Variants in CMTM8 observed in about 807,000 individuals in gnomAD.
CMTM8 encodes CKLF like MARVEL transmembrane domain containing 8, also known as CKLF-like MARVEL transmembrane domain-containing protein 8.
A neutral mutation model predicts 18.6 loss-of-function variants in CMTM8; 12 were observed. The ratio of observed to expected loss-of-function variants is 0.65; its 90% CI spans 0.41 to 1.05. CMTM8 has a LOEUF of 1.05. Among genes scored for constraint, CMTM8 ranks in the 50% least tolerant of loss-of-function variants. The pLI is 0.00. For missense variants in CMTM8, 217 were observed against 227.2 expected, an observed-to-expected ratio of 0.95 and a Z score of 0.29; for synonymous variants, 87 against 90.6, an observed-to-expected ratio of 0.96 and a Z score of 0.23.
chr3:32,308,722 A>G (rs1695763084), intron 1 of CMTM8, among the ~76,000 whole-genome samples: 2 of 152,216 alleles, frequency 1.3e-5, no homozygotes, highest in Admixed American at 1.3e-4. Flanking sequence ...AATAGACATA[A>G]TCTGCTCTTA....
At chr3:32,355,313 C>T (rs1289066687) in intron 1 of CMTM8, among the ~76,000 whole-genome samples, 1 of 152,180 alleles carries the variant, frequency 6.6e-6, no homozygotes, top group Admixed American at 6.5e-5. Context: ...ACTCCTTTAG[C>T]CTGTTCCTCT....
At chr3:32,338,975 A>ATTGGTGGGAAACTTCATT (rs1445193749) in intron 1 of CMTM8, among the ~76,000 whole-genome samples, 1 of 152,176 alleles carries the variant, frequency 6.6e-6, no homozygotes, top group African/African-American at 2.4e-5. Flanking sequence ...GGTGCTGGCT[A>ATTGGTGGGAAACTTCATT]TTGGTGGGAA....
chr3:32,283,149 CA>C (rs1396205815), intron 1 of CMTM8, among the ~76,000 whole-genome samples: 1 of 152,078 alleles, frequency 6.6e-6, no homozygotes, highest in Non-Finnish European at 1.5e-5. Flanking sequence ...GTTTTTCATA[CA>C]GGGGGAGGAA....
chr3:32,355,003 A>G (rs1174640742), intron 1 of CMTM8, among the ~76,000 whole-genome samples: 1 of 152,172 alleles, frequency 6.6e-6, no homozygotes, highest in Non-Finnish European at 1.5e-5. Context: ...GAATTCATAT[A>G]CTAACATCAA....
chr3:32,273,726 C>A (rs1702475920), intron 1 of CMTM8, among the ~76,000 whole-genome samples: 1 of 152,080 alleles, frequency 6.6e-6, no homozygotes, highest in African/African-American at 2.4e-5. Flanking sequence ...TATGGAGTTT[C>A]TTTTGGGGAT....
intron 1 of CMTM8, among the ~76,000 whole-genome samples, chr3:32,296,970 ACTCC>A (rs1349432490): frequency 5.3e-5 from 8 of 151,140 alleles, no homozygotes; most frequent in African/African-American, 1.9e-4. Context: ...TGCCTTCTCC[ACTCC>A]CTCCCCGTGT....
Position 32,363,877 on chromosome 3 carries a change from T to G in CMTM8, c.322-3995T>G, listed in dbSNP as rs536792478. Among the ~76,000 whole-genome samples the G allele has an allele frequency of 1.3e-3, 204 of 152,276 alleles. 1 individual carries two copies. The highest frequency in any genetic ancestry group is 2.2e-3 in the Non-Finnish European group (150 of 68,016). On this transcript the variant is annotated intron_variant, in intron 2 of 3. Coordinates refer to ENST00000307526, the MANE Select transcript of CMTM8 (RefSeq NM_178868.5). ...GCACTTTGAGTAGCACTGAGCTCCT[T>G]TACTAGCTGGTTGTAGACAAGGTGG... is the stretch of plus-strand genomic sequence containing the variant.
rs1321747901 is a variant in CMTM8 at position 32,349,660 on chromosome 3, T to C, written c.148-7713T>C. On this transcript the variant is annotated intron_variant, in intron 1 of 3. Transcript: ENST00000307526. ...TCAAGTACGTAGAGGACAGGGAAGC[T>C]GCTATACACATCCTACAGTGTACAG... is the stretch of plus-strand genomic sequence containing the variant. Among the ~76,000 whole-genome samples, 9 of 152,130 alleles carry C rather than the reference T, an allele frequency of 5.9e-5. No homozygotes were observed. In the South Asian group the frequency reaches 8.3e-4, roughly 14 times the overall value.
chr3:32,362,100 G>C (rs2125602479), intron 2 of CMTM8, among the ~76,000 whole-genome samples: 1 of 135,520 alleles, frequency 7.4e-6, no homozygotes, highest in East Asian at 2.2e-4. Context: ...GAGTATAGTG[G>C]TGCAATCTCG....
At chr3:32,300,700 T>C (rs937018240) in intron 1 of CMTM8, among the ~76,000 whole-genome samples, 1 of 152,248 alleles carries the variant, frequency 6.6e-6, no homozygotes, top group African/African-American at 2.4e-5. Context: ...GGTTCACGCC[T>C]GTAATCCCAG....
chr3:32,258,489 T>C (rs1178105480), intron 1 of CMTM8, among the ~76,000 whole-genome samples: 1 of 152,172 alleles, frequency 6.6e-6, no homozygotes, highest in African/African-American at 2.4e-5. Flanking sequence ...CTTAGTTTTA[T>C]TTACAGTGCT....
At chr3:32,352,182 A>C (rs1229131772) in intron 1 of CMTM8, among the ~76,000 whole-genome samples, 2 of 57,342 alleles carry the variant, frequency 3.5e-5, no homozygotes, top group African/African-American at 1.3e-4. Context: ...TCTGAAAAAA[A>C]ACACACACAC....
rs776785695 is a variant in CMTM8 at position 32,239,025 on chromosome 3, C to T, written c.53C>T (p.Ser18Phe). The T allele has an allele frequency of 1.8e-5, 29 of 1,574,206 alleles. No homozygotes were observed. The highest frequency in any genetic ancestry group is 2.5e-5 in the Non-Finnish European group (29 of 1,160,568). The change falls in exon 1 of 4, where the codon TCC (serine) becomes TTC (phenylalanine). Residue 18 changes from serine to phenylalanine, a missense_variant. Ser to Phe is a radical substitution (Grantham distance 155). Coordinates refer to ENST00000307526, the MANE Select transcript of CMTM8 (RefSeq NM_178868.5). ...RSHTVTTTAS[S>F]FAENFSTSSS... ...CACACAGTCACCACCACCGCCAGCTCCTTCGCAGAGAACTTCTCCACCAGC... is the reference window on the plus strand; with the variant it reads ...CACACAGTCACCACCACCGCCAGCTTCTTCGCAGAGAACTTCTCCACCAGC...
At chr3:32,294,012 ACC>A (rs1457231656) in intron 1 of CMTM8, among the ~76,000 whole-genome samples, 2 of 152,176 alleles carry the variant, frequency 1.3e-5, no homozygotes, top group South Asian at 4.2e-4. Flanking sequence ...TTTGGTGGCC[ACC>A]TCCAGATTTC....
intron 1 of CMTM8, among the ~76,000 whole-genome samples, chr3:32,351,458 A>G (rs1696705573): frequency 6.6e-6 from 1 of 152,338 alleles, no homozygotes; most frequent in Non-Finnish European, 1.5e-5. Flanking sequence ...CTATAATCCC[A>G]GCACTTTGGG....
At position 32,358,632 on chromosome 3, in the gene CMTM8, C is replaced by G. The variant is rs1469279351; in HGVS notation, c.321+1086C>G. Reference sequence around the variant, plus strand: ...GCTTTGTTCTTTCTGTGTTGCTAAGCTAAGTCCCCCAGGAAAACAAGTCTT... The same window carrying G: ...GCTTTGTTCTTTCTGTGTTGCTAAGGTAAGTCCCCCAGGAAAACAAGTCTT... On this transcript the variant is annotated intron_variant, in intron 2 of 3. Coordinates refer to ENST00000307526, the MANE Select transcript of CMTM8 (RefSeq NM_178868.5). This position sits in a 1 kb window ranked among gnomAD's most constrained non-coding sequence, Gnocchi z 4.1. Among the ~76,000 whole-genome samples, 1 of 152,182 alleles carries G rather than the reference C, an allele frequency of 6.6e-6. No individual in the cohort carries two copies. Among genetic ancestry groups the G allele is most frequent in the Admixed American group, 6.5e-5 (1 of 15,286 alleles).
In CMTM8 at chr3:32,337,998, A is replaced by C. The variant is rs7647797; in HGVS notation, c.148-19375A>C. Among the ~76,000 whole-genome samples the C allele has an allele frequency of 1.4e-3, 194 of 138,202 alleles. 3 individuals are homozygous for C. Among genetic ancestry groups the C allele is most frequent in the African/African-American group, 4.9e-3 (179 of 36,434 alleles). 90.7% of individuals were successfully genotyped at this position (138,202 alleles called of 152,430 possible). A position where few individuals can be genotyped will look rare whatever the true frequency, so the allele number is the denominator to read the frequency against. On this transcript the variant is annotated intron_variant, in intron 1 of 3. Coordinates refer to ENST00000307526, the MANE Select transcript of CMTM8 (RefSeq NM_178868.5). ...GGCCTTTTTTTTTTTTTTTTTTTTT[A>C]AATTGAGATGGAGTCTCACTCTGTC...
At chr3:32,276,524 A>G (rs1463755082) in intron 1 of CMTM8, among the ~76,000 whole-genome samples, 1 of 152,180 alleles carries the variant, frequency 6.6e-6, no homozygotes, top group African/African-American at 2.4e-5. Context: ...GCCTGTGGCT[A>G]GCCATGGACC....
chr3:32,239,830 G>A (rs541729675), intron 1 of CMTM8, among the ~76,000 whole-genome samples: 39 of 152,306 alleles, frequency 2.6e-4, no homozygotes, highest in African/African-American at 9.1e-4. Context: ...GGTGGTCACT[G>A]TTTGAGTCTT....
Sources: allele counts gnomAD v4.1 joint callset (sites outside exome capture counted in the v4.1 genomes callset), GRCh38; gene constraint gnomAD v4.1.1; non-coding constraint Gnocchi (gnomAD v3.1); transcripts MANE v1.5; gene names NCBI Gene and HGNC (gene_info 2026-07-23, HGNC 2026-07-21).